KCND2: variants seen among roughly 807,000 people sequenced by gnomAD.
The protein encoded by KCND2 is A-type voltage-gated potassium channel KCND2.
In KCND2, 16 loss-of-function variants were observed where a neutral mutation model predicts 54.4. The ratio of observed to expected loss-of-function variants is 0.29; its 90% CI spans 0.20 to 0.45. The LOEUF (loss-of-function observed/expected upper bound fraction) is 0.45. KCND2 is among the 20% of genes least tolerant of loss of function. The pLI is 1.00. For missense variants in KCND2, 486 were observed against 824.2 expected (o/e 0.59, Z 5.02); for synonymous variants, 317 against 310.7 (o/e 1.02, Z -0.21).
At chr7:120,545,901 A>T (rs910571493) in intron 1 of KCND2, among the ~76,000 whole-genome samples, 1 of 151,868 alleles carries the variant, frequency 6.6e-6, no homozygotes, top group African/African-American at 2.4e-5. Context: ...TCCGATTTGA[A>T]TTAAATCTTC....
At chr7:120,576,095 TA>T (rs938400331) in intron 1 of KCND2, among the ~76,000 whole-genome samples, 32 of 152,138 alleles carry the variant, frequency 2.1e-4, no homozygotes, top group African/African-American at 7.5e-4. Context: ...CAAAAGTCAA[TA>T]ATCATGCTAT....
intron 1 of KCND2, among the ~76,000 whole-genome samples, chr7:120,379,398 T>G (rs1209061180): frequency 6.6e-6 from 1 of 152,068 alleles, no homozygotes; most frequent in Non-Finnish European, 1.5e-5. Context: ...ACAACTGGCC[T>G]TCATTTTAAA....
intron 1 of KCND2, among the ~76,000 whole-genome samples, chr7:120,353,557 A>AAGAAGAG (rs1423613500): frequency 1.1e-4 from 16 of 152,128 alleles, no homozygotes; most frequent in Non-Finnish European, 2.9e-5. Flanking sequence ...TAGGAAATGA[A>AAGAAGAG]AGAAGAGCTT....
At chr7:120,707,687 C>T (rs547604845) in intron 1 of KCND2, among the ~76,000 whole-genome samples, 2 of 152,102 alleles carry the variant, frequency 1.3e-5, no homozygotes, top group Non-Finnish European at 2.9e-5. Context: ...GGGTGCATGA[C>T]AGATTATGAT....
chr7:120,374,284 G>A (rs1024250509), intron 1 of KCND2, among the ~76,000 whole-genome samples: 3 of 151,678 alleles, frequency 2.0e-5, no homozygotes, highest in African/African-American at 7.2e-5. Context: ...CCTCATAGTA[G>A]ATATTCAAGT....
At chr7:120,543,452 T>G (rs1792006965) in intron 1 of KCND2, among the ~76,000 whole-genome samples, 1 of 152,102 alleles carries the variant, frequency 6.6e-6, no homozygotes, top group Non-Finnish European at 1.5e-5. Flanking sequence ...ATTTTCTCTG[T>G]CACATTTGCA....
intron 1 of KCND2, among the ~76,000 whole-genome samples, chr7:120,559,411 C>G (rs1479030711): frequency 6.6e-6 from 1 of 152,132 alleles, no homozygotes; most frequent in Non-Finnish European, 1.5e-5. Flanking sequence ...TCTTCTCATT[C>G]TGCAGATGAG....
At chr7:120,506,741 A>G (rs1162227989) in intron 1 of KCND2, among the ~76,000 whole-genome samples, 1 of 151,904 alleles carries the variant, frequency 6.6e-6, no homozygotes, top group African/African-American at 2.4e-5. Flanking sequence ...TAGTTTTCAT[A>G]TAACGGATGC....
intron 1 of KCND2, among the ~76,000 whole-genome samples, chr7:120,554,542 G>A (rs1792139377): frequency 6.6e-6 from 1 of 151,986 alleles, no homozygotes; most frequent in African/African-American, 2.4e-5. Flanking sequence ...CCGAGTAGCT[G>A]GGACTACAGG....
intron 1 of KCND2, among the ~76,000 whole-genome samples, chr7:120,646,406 A>G (rs1405117784): frequency 6.6e-6 from 1 of 152,222 alleles, no homozygotes; most frequent in Non-Finnish European, 1.5e-5. Context: ...CTTTTTAAAA[A>G]GTAATTTTTC....
chr7:120,277,117 G>A (rs1049163668), intron 1 of KCND2, among the ~76,000 whole-genome samples: 1 of 151,998 alleles, frequency 6.6e-6, no homozygotes, highest in Non-Finnish European at 1.5e-5. Context: ...TATATATGAA[G>A]AATTTTAGGC....
intron 1 of KCND2, among the ~76,000 whole-genome samples, chr7:120,389,916 A>T (rs1168326187): frequency 1.3e-5 from 2 of 151,902 alleles, no homozygotes; most frequent in Non-Finnish European, 2.9e-5. Context: ...TCCCTTGATC[A>T]CCTATTAATG....
intron 1 of KCND2, among the ~76,000 whole-genome samples, chr7:120,423,401 C>T (rs1293597843): frequency 6.6e-6 from 1 of 152,204 alleles, no homozygotes; most frequent in Non-Finnish European, 1.5e-5. Flanking sequence ...CATTAGATTT[C>T]ATGCAAGAAT....
At chr7:120,619,780 C>T (rs10278347) in intron 1 of KCND2, among the ~76,000 whole-genome samples, 2 of 151,942 alleles carry the variant, frequency 1.3e-5, no homozygotes, top group South Asian at 2.1e-4. Flanking sequence ...TTCCTTAAAG[C>T]GCATTAGCCC....
At chr7:120,701,503 T>C (rs1274947759) in intron 1 of KCND2, among the ~76,000 whole-genome samples, 2 of 152,096 alleles carry the variant, frequency 1.3e-5, no homozygotes, top group Non-Finnish European at 2.9e-5. Context: ...TGGGAAATCC[T>C]AAGCAAAAAT....
intron 1 of KCND2, among the ~76,000 whole-genome samples, chr7:120,608,720 G>T (rs1383677847): frequency 6.6e-6 from 1 of 152,028 alleles, no homozygotes; most frequent in Non-Finnish European, 1.5e-5. Context: ...AGTAATCATT[G>T]ACAGTTAAAT....
intron 1 of KCND2, among the ~76,000 whole-genome samples, chr7:120,643,309 A>G (rs535290640): frequency 6.6e-6 from 1 of 152,262 alleles, no homozygotes; most frequent in African/African-American, 2.4e-5. Context: ...GTAATTGCTG[A>G]ATGTCAACAT....
chr7:120,358,237 G>A (rs1220463412), intron 1 of KCND2, among the ~76,000 whole-genome samples: 1 of 152,118 alleles, frequency 6.6e-6, no homozygotes, highest in Admixed American at 6.6e-5. Flanking sequence ...CAGTACAGAT[G>A]GTGATGACCT....
In KCND2 at chr7:120,274,884, C is replaced by T. The variant is rs1282232580; in HGVS notation, c.252C>T (p.Phe84=). Residue 84 remains phenylalanine, a synonymous_variant, in exon 1 of 6, where the codon TTC becomes TTT. Transcript: ENST00000331113. The part of the protein sequence containing the change: ...FFYHPETQQY[F]FDRDPDIFRH... The stretch of plus-strand genomic sequence containing the variant: ...ACCACCCAGAAACTCAGCAGTATTT[C>T]TTTGACCGTGACCCAGACATCTTCC... 6.2e-7 allele frequency: 1 copy of T among 1,614,174 alleles called. No homozygotes were observed. Among genetic ancestry groups the T allele is most frequent in the South Asian group, 1.1e-5 (1 of 91,064 alleles).
Sources: gnomAD v4.1 joint callset for allele counts (sites outside exome capture counted in the v4.1 genomes callset) on GRCh38, gnomAD v4.1.1 for gene constraint, MANE v1.5 for transcripts, NCBI Gene and HGNC (gene_info 2026-07-23, HGNC 2026-07-21) for gene names.